TENM4: variants seen among roughly 807,000 people sequenced by gnomAD.
TENM4 encodes the protein teneurin transmembrane protein 4.
TENM4 carries 82 observed loss-of-function variants against 243.3 expected under a neutral mutation model. The observed-to-expected ratio is 0.34, with a 90% confidence interval of 0.28 to 0.40. TENM4 has a LOEUF of 0.40. Among genes scored for constraint, TENM4 ranks in the 10% least tolerant of loss-of-function variants. The pLI, the probability that TENM4 is intolerant of heterozygous loss-of-function variation, is 1.00. For missense variants in TENM4, 3,138 were observed against 3,673.3 expected, an observed-to-expected ratio of 0.85 and a Z score of 3.77; for synonymous variants, 1,412 against 1,456.3, an observed-to-expected ratio of 0.97 and a Z score of 0.69.
intron 12 of TENM4, among the ~76,000 whole-genome samples, chr11:78,814,694 T>G (rs1465036208): frequency 6.6e-6 from 1 of 152,252 alleles, no homozygotes; most frequent in Non-Finnish European, 1.5e-5. Flanking sequence ...AGAGAACAGT[T>G]TAACCTGTTA....
intron 1 of TENM4, among the ~76,000 whole-genome samples, chr11:79,298,822 T>C (rs1480703510): frequency 1.3e-5 from 2 of 152,218 alleles, no homozygotes; most frequent in African/African-American, 2.4e-5. Flanking sequence ...CATATCCATG[T>C]GTCACCTCTA....
At chr11:79,288,478 C>T (rs910491714) in intron 2 of TENM4, among the ~76,000 whole-genome samples, 1 of 152,156 alleles carries the variant, frequency 6.6e-6, no homozygotes, top group South Asian at 2.1e-4. Flanking sequence ...TAGGCTTCTC[C>T]GCTGATTCCA....
At chr11:79,337,214 C>A (rs149637333) in intron 1 of TENM4, among the ~76,000 whole-genome samples, 50 of 152,322 alleles carry the variant, frequency 3.3e-4, no homozygotes, top group African/African-American at 1.0e-3. Context: ...TACAAGGAAT[C>A]GGCCTGCCAG....
intron 6 of TENM4, among the ~76,000 whole-genome samples, chr11:78,983,898 C>T (rs562533872): frequency 5.3e-4 from 81 of 152,310 alleles, no homozygotes; most frequent in African/African-American, 1.9e-3. Flanking sequence ...AAATCACTAA[C>T]CCAAACAGGA....
intron 2 of TENM4, among the ~76,000 whole-genome samples, chr11:79,218,433 A>G (rs1285805928): frequency 6.6e-6 from 1 of 152,122 alleles, no homozygotes; most frequent in Admixed American, 6.5e-5. Flanking sequence ...CTAGTCATGT[A>G]AGTGATATGT....
chr11:79,419,534 T>G (rs944050669), intron 1 of TENM4, among the ~76,000 whole-genome samples: 2 of 152,172 alleles, frequency 1.3e-5, no homozygotes, highest in African/African-American at 4.8e-5. Flanking sequence ...TAAATTAGAT[T>G]GGCAAAAAGG....
intron 1 of TENM4, among the ~76,000 whole-genome samples, chr11:79,330,932 G>A (rs577096108): frequency 8.3e-4 from 127 of 152,168 alleles, no homozygotes; most frequent in African/African-American, 2.8e-3. Flanking sequence ...AGGATATGTC[G>A]GCCATCCCTG....
At chr11:78,929,776 C>T (rs924032710) in intron 6 of TENM4, among the ~76,000 whole-genome samples, 2 of 152,176 alleles carry the variant, frequency 1.3e-5, no homozygotes, top group Non-Finnish European at 2.9e-5. Context: ...AGTTCACCAC[C>T]TCCAGACTCT....
chr11:78,856,080 A>G lies in TENM4; in HGVS notation c.1354T>C (p.Trp452Arg), dbSNP rs891039202. The part of the protein sequence containing the change: ...ASQKIPPGTF[W>R]RSQVFIDHPV... ...TGGTCTATGAACACTTGAGATCTCCAGAAAGTGCCAGGAGGAATCTTCTGG... is the reference window on the plus strand; with the variant it reads ...TGGTCTATGAACACTTGAGATCTCCGGAAAGTGCCAGGAGGAATCTTCTGG... The change falls in exon 11 of 34, where the codon TGG (tryptophan) becomes CGG (arginine). Residue 452 changes from tryptophan (W) to arginine (R), a missense_variant. Physicochemically the swap from Trp to Arg is moderately radical, Grantham distance 101 (BLOSUM62 -3). Coordinates refer to ENST00000278550, the MANE Select transcript of TENM4 (RefSeq NM_001098816.3). The G allele has an allele frequency of 2.6e-6, 4 of 1,551,736 alleles. No individual in the cohort carries two copies. The Admixed American group carries it at 5.9e-5, about 23-fold the overall frequency.
Position 79,139,836 on chromosome 11 carries a change from A to G in TENM4, c.-66+8874T>C, listed in dbSNP as rs1460124424. On this transcript the variant is annotated intron_variant, in intron 4 of 33. Coordinates refer to ENST00000278550, the MANE Select transcript of TENM4 (RefSeq NM_001098816.3). ...TATTTTATATTTATATATAATACAT[A>G]GATTATGTAATATATATGTATTTTC... Among the ~76,000 whole-genome samples, 73 of 133,510 alleles carry G rather than the reference A, an allele frequency of 5.5e-4. 2 individuals are homozygous for G. The highest frequency in any genetic ancestry group is 2.1e-3 in the African/African-American group (72 of 34,528). The allele number at this position is 133,510 out of a possible 152,430, so 87.6% of individuals were successfully genotyped here.
chr11:79,140,207 G>A (rs951832022), intron 4 of TENM4, among the ~76,000 whole-genome samples: 2 of 152,036 alleles, frequency 1.3e-5, no homozygotes, highest in Non-Finnish European at 2.9e-5. Context: ...CCACCTGCTA[G>A]CCAGTCCTCA....
chr11:79,139,670 AT>A (rs1565220572), intron 4 of TENM4, among the ~76,000 whole-genome samples: 6 of 63,962 alleles, frequency 9.4e-5, no homozygotes, highest in Non-Finnish European at 1.6e-4. Flanking sequence ...TAAAATATAT[AT>A]ATTTTATATA....
chr11:79,247,416 CAAAAAAAAA>C (rs34265803), intron 2 of TENM4, among the ~76,000 whole-genome samples: 2 of 81,372 alleles, frequency 2.5e-5, no homozygotes, highest in African/African-American at 9.5e-5. Context: ...GACTCTGTCT[CAAAAAAAAA>C]AAAAAAAAAA....
Position 78,712,606 on chromosome 11 carries a change from C to T in TENM4, c.3930G>A (p.Val1310=). The T allele has an allele frequency of 6.2e-7, 1 of 1,613,992 alleles. No individual in the cohort carries two copies. Among genetic ancestry groups the T allele is most frequent in the Non-Finnish European group, 8.5e-7 (1 of 1,179,912 alleles). ...CAGAGTTCTTGACAAGGTCCTTCAC[C>T]ACCACAGTGGACTTGATTTTAAAGA... ...RRVFKIKSTV[V]VKDLVKNSEV... Residue 1310 remains valine, a synonymous_variant, in exon 26 of 34, where the codon GTG becomes GTA. Coordinates refer to ENST00000278550, the MANE Select transcript of TENM4 (RefSeq NM_001098816.3).
chr11:78,983,060 C>A (rs1857837666), intron 6 of TENM4, among the ~76,000 whole-genome samples: 1 of 152,186 alleles, frequency 6.6e-6, no homozygotes, highest in Non-Finnish European at 1.5e-5. Flanking sequence ...ACCTTCAATA[C>A]CCTTGCCGGT....
At chr11:79,004,713 A>T (rs1003462181) in intron 6 of TENM4, among the ~76,000 whole-genome samples, 3 of 152,080 alleles carry the variant, frequency 2.0e-5, no homozygotes, top group Admixed American at 2.0e-4. Flanking sequence ...GAGCAAACCA[A>T]CTCCAAAGCT....
chr11:78,830,075 GGCT>G (rs1857943602), intron 12 of TENM4, among the ~76,000 whole-genome samples: 1 of 152,200 alleles, frequency 6.6e-6, no homozygotes, highest in Non-Finnish European at 1.5e-5. Flanking sequence ...GACGTATTGG[GGCT>G]GCTGAATCCT....
chr11:79,150,225 T>G (rs549935403), intron 3 of TENM4, among the ~76,000 whole-genome samples: 1 of 152,222 alleles, frequency 6.6e-6, no homozygotes, highest in African/African-American at 2.4e-5. Context: ...CACAGATCAT[T>G]AAATTCCTAC....
chr11:79,061,185 T>C (rs1219565352), intron 6 of TENM4, among the ~76,000 whole-genome samples: 2 of 152,206 alleles, frequency 1.3e-5, no homozygotes, highest in African/African-American at 2.4e-5. Context: ...AACCTGAACC[T>C]AATCAGTGAA....
Sources: gnomAD v4.1 joint callset for allele counts (sites outside exome capture counted in the v4.1 genomes callset) on GRCh38, gnomAD v4.1.1 for gene constraint, MANE v1.5 for transcripts, NCBI Gene and HGNC (gene_info 2026-07-23, HGNC 2026-07-21) for gene names.